Variants in ERICH6 observed in about 807,000 individuals in gnomAD.
ERICH6 encodes the protein glutamate-rich protein 6.
Under a neutral mutation model 71.0 loss-of-function variants are expected in ERICH6, and 71 were observed. The ratio of observed to expected loss-of-function variants is 1.00; its 90% CI spans 0.83 to 1.22. ERICH6 has a LOEUF of 1.22. Among genes scored for constraint, ERICH6 ranks in the 50% most tolerant of loss-of-function variants. The pLI is 0.00. For missense variants in ERICH6, 808 were observed against 797.2 expected, an observed-to-expected ratio of 1.01 and a Z score of -0.16; for synonymous variants, 262 against 278.4, an observed-to-expected ratio of 0.94 and a Z score of 0.59.
Position 150,669,333 on chromosome 3 carries a change from C to T in ERICH6, c.1462G>A (p.Gly488Ser). The change falls in exon 12 of 14, where the codon GGC (glycine) becomes AGC (serine). Residue 488 changes from glycine to serine, a missense_variant. Gly to Ser is a moderately conservative substitution (Grantham distance 56). Transcript: ENST00000295910. ...PAILAVLDSS[G>S]RSSCYHPNGN... ...TTGGGATGATAGCAGGAACTTCTGC[C>T]AGAGGAATCCAGCACTGCTAGGATA... The T allele has an allele frequency of 6.2e-7, 1 of 1,611,766 alleles. No individual in the cohort carries two copies. The highest frequency in any genetic ancestry group is 8.5e-7 in the Non-Finnish European group (1 of 1,179,114).
chr3:150,678,357 G>T, intron 10 of ERICH6, 52 bp downstream of exon 10: 1 of 1,506,746 alleles, frequency 6.6e-7, no homozygotes, highest in Non-Finnish European at 8.8e-7. Context: ...ATAATTTTAG[G>T]TAAAACTGGT....
At chr3:150,681,269 G>A (rs1711919453) in intron 7 of ERICH6, among the ~76,000 whole-genome samples, 1 of 152,148 alleles carries the variant, frequency 6.6e-6, no homozygotes, top group African/African-American at 2.4e-5. Context: ...GTTCCGTACA[G>A]TTTATAAAGT....
At chr3:150,675,582 T>TAG (rs1376842861) in intron 10 of ERICH6, among the ~76,000 whole-genome samples, 10 of 152,102 alleles carry the variant, frequency 6.6e-5, no homozygotes, top group Admixed American at 2.0e-4. Context: ...CTCCCTACCT[T>TAG]AGGTGGTCTG....
chr3:150,677,689 G>A (rs1039946210), intron 10 of ERICH6, among the ~76,000 whole-genome samples: 1 of 151,918 alleles, frequency 6.6e-6, no homozygotes, highest in African/African-American at 2.4e-5. Flanking sequence ...TAGAGATGGG[G>A]TTTTGTCTTG....
chr3:150,672,793 G>A (rs958788536), intron 11 of ERICH6, among the ~76,000 whole-genome samples: 47 of 151,916 alleles, frequency 3.1e-4, no homozygotes, highest in African/African-American at 1.1e-3. Flanking sequence ...GGGAGACTGG[G>A]GTGGGAGGAT....
rs780306628 is a variant in ERICH6 at position 150,682,270 on chromosome 3, T to C, written c.830A>G (p.Asp277Gly). 41 of 1,613,860 alleles carry C rather than the reference T, an allele frequency of 2.5e-5. No homozygotes were observed. The highest frequency in any genetic ancestry group is 3.3e-5 in the Non-Finnish European group (39 of 1,180,018). ...CACATTAGAAAAAAATGCTCTTAGA[T>C]CGCTGCCACAAAATTCACATTTGGG... ...TSPKCEFCGS[D>G]LRAFFSNVDV... Residue 277 changes from aspartate to glycine, a missense_variant, in exon 7 of 14, where the codon GAT becomes GGT. By Grantham distance (94) the Asp-to-Gly change is moderately conservative. Coordinates refer to ENST00000295910, the MANE Select transcript of ERICH6 (RefSeq NM_152394.5).
intron 11 of ERICH6, among the ~76,000 whole-genome samples, chr3:150,672,344 T>A (rs529541097): frequency 5.7e-4 from 86 of 150,204 alleles, no homozygotes; most frequent in African/African-American, 2.1e-3. Flanking sequence ...ATGCCTGTAA[T>A]CCCAGCACTT....
chr3:150,682,399 G>A (rs1712006299), intron 6 of ERICH6, 83 bp from the exon 7 acceptor site: 1 of 983,120 alleles, frequency 1.0e-6, no homozygotes, highest in Non-Finnish European at 1.6e-6. Context: ...ACGACCCTGG[G>A]CATGGTCAGT....
intron 10 of ERICH6, among the ~76,000 whole-genome samples, chr3:150,676,139 C>T (rs1372478397): frequency 1.3e-5 from 2 of 151,302 alleles, no homozygotes; most frequent in Non-Finnish European, 2.9e-5. Context: ...TTTTTTAATC[C>T]CCATAATGAG....
intron 13 of ERICH6, among the ~76,000 whole-genome samples, chr3:150,665,896 C>G (rs1727398429): frequency 6.6e-6 from 1 of 151,296 alleles, no homozygotes; most frequent in South Asian, 2.1e-4. Context: ...TTCAAAGTCA[C>G]ACACTATATG....
At chr3:150,677,527 T>C (rs886747255) in intron 10 of ERICH6, among the ~76,000 whole-genome samples, 1 of 151,990 alleles carries the variant, frequency 6.6e-6, no homozygotes, top group Non-Finnish European at 1.5e-5. Context: ...GACAGAGTTT[T>C]GCTCTGTCAC....
chr3:150,668,920 G>A lies in ERICH6; in HGVS notation c.1499+376C>T, dbSNP rs948110546. Among the ~76,000 whole-genome samples, 38 of 152,190 alleles carry A rather than the reference G, an allele frequency of 2.5e-4. 1 individual carries two copies. The highest frequency in any genetic ancestry group is 1.5e-4 in the Non-Finnish European group (10 of 68,036). ...TAGTGTATCAACTGTCTATTGACAAGTTGTTTACATAGATGAAGCAGAATA... is the reference window on the plus strand; with the variant it reads ...TAGTGTATCAACTGTCTATTGACAAATTGTTTACATAGATGAAGCAGAATA... On this transcript the variant is annotated intron_variant, in intron 12 of 13. Coordinates refer to ENST00000295910, the MANE Select transcript of ERICH6 (RefSeq NM_152394.5).
At chr3:150,673,410 A>G (rs1357239118) in intron 11 of ERICH6, among the ~76,000 whole-genome samples, 1 of 152,088 alleles carries the variant, frequency 6.6e-6, no homozygotes, top group African/African-American at 2.4e-5. Flanking sequence ...GCTGATCTCA[A>G]ACCCCTGGGC....
At chr3:150,701,182 G>A (rs1712856239) in intron 2 of ERICH6, among the ~76,000 whole-genome samples, 1 of 152,108 alleles carries the variant, frequency 6.6e-6, no homozygotes, top group African/African-American at 2.4e-5. Flanking sequence ...GATGGAAGGA[G>A]GAAGTGCATT....
intron 5 of ERICH6, 45 bp from the exon 6 acceptor site, chr3:150,685,903 G>T (rs764785774): frequency 6.2e-7 from 1 of 1,604,764 alleles, no homozygotes. Context: ...AATAATTGAA[G>T]ATTTGATAAG....
Position 150,682,210 on chromosome 3 carries a change from G to C in ERICH6, c.882+8C>G. On this transcript the variant is annotated splice_region_variant and intron_variant, in intron 7 of 13. Transcript: ENST00000295910. ...CTATTTCCACAGTAAACCTGACTTA[G>C]AACTTACATGCCCTTTTGGTTCAGA... 1 of 1,608,288 alleles carries C rather than the reference G, an allele frequency of 6.2e-7. No homozygotes were observed. Among genetic ancestry groups the C allele is most frequent in the Non-Finnish European group, 8.5e-7 (1 of 1,175,216 alleles).
intron 13 of ERICH6, among the ~76,000 whole-genome samples, chr3:150,665,215 C>T (rs1055798395): frequency 2.0e-5 from 3 of 152,084 alleles, no homozygotes; most frequent in Non-Finnish European, 2.9e-5. Flanking sequence ...TGTAGACCCT[C>T]GCTCTATGTT....
intron 12 of ERICH6, 58 bp from the exon 13 acceptor site, chr3:150,667,073 A>T: frequency 6.7e-7 from 1 of 1,494,050 alleles, no homozygotes; most frequent in Non-Finnish European, 9.2e-7. Flanking sequence ...AAATACTGGA[A>T]TTATCCCTGT....
intron 3 of ERICH6, among the ~76,000 whole-genome samples, chr3:150,688,386 A>G (rs1712283753): frequency 6.6e-6 from 1 of 152,240 alleles, no homozygotes; most frequent in Non-Finnish European, 1.5e-5. Flanking sequence ...CATAAGTCAC[A>G]ATAACTGTAT....
Sources: gnomAD v4.1 joint callset for allele counts (sites outside exome capture counted in the v4.1 genomes callset) on GRCh38, gnomAD v4.1.1 for gene constraint, MANE v1.5 for transcripts, NCBI Gene and HGNC (gene_info 2026-07-23, HGNC 2026-07-21) for gene names.